The following BTAF1 variants were observed in gnomAD, a reference collection of about 807,000 sequenced individuals.
BTAF1 encodes the protein B-TFIID TATA-box binding protein associated factor 1, also known as TATA-binding protein-associated factor 172.
A neutral mutation model predicts 227.1 loss-of-function variants in BTAF1; 38 were observed. The observed-to-expected ratio is 0.17, with a 90% CI of 0.13 to 0.22. The LOEUF (loss-of-function observed/expected upper bound fraction) is 0.22. BTAF1 is among the 10% of genes least tolerant of loss of function. The pLI is 1.00. For missense variants in BTAF1, 1,598 were observed against 2,204.0 expected (o/e 0.73, Z 5.51); for synonymous variants, 742 against 751.9 (o/e 0.99, Z 0.21).
chr10:92,003,026 A>G (rs759058194), intron 25 of BTAF1, among the ~76,000 whole-genome samples: 1 of 152,010 alleles, frequency 6.6e-6, no homozygotes, highest in Non-Finnish European at 1.5e-5. Context: ...GCATGGTGGC[A>G]CGCACCTGTA....
chr10:91,956,801 C>T (rs1275166189), intron 7 of BTAF1, 144 bp downstream of exon 7: 13 of 822,124 alleles, frequency 1.6e-5, no homozygotes, highest in Non-Finnish European at 2.4e-5. Flanking sequence ...CCAGCCTGGC[C>T]AACATGGTGA....
At chr10:92,007,675 G>A (rs1372801551) in intron 25 of BTAF1, among the ~76,000 whole-genome samples, 4 of 152,134 alleles carry the variant, frequency 2.6e-5, no homozygotes, top group Admixed American at 6.5e-5. Flanking sequence ...TAACATCTAC[G>A]CAGATATCAA....
intron 3 of BTAF1, among the ~76,000 whole-genome samples, chr10:91,941,718 AT>A (rs1845012736): frequency 1.3e-5 from 2 of 152,204 alleles, no homozygotes; most frequent in African/African-American, 4.8e-5. Flanking sequence ...GAGCACTGTA[AT>A]AAACTCATGC....
intron 34 of BTAF1, among the ~76,000 whole-genome samples, chr10:92,023,025 G>C (rs942323125): frequency 6.6e-6 from 1 of 152,170 alleles, no homozygotes; most frequent in African/African-American, 2.4e-5. Flanking sequence ...GATTATTAGA[G>C]ATTCAGTACC....
intron 14 of BTAF1, among the ~76,000 whole-genome samples, chr10:91,968,817 A>G (rs896061898): frequency 8.5e-5 from 13 of 152,074 alleles, no homozygotes; most frequent in African/African-American, 3.1e-4. Flanking sequence ...TCATATGTTT[A>G]TTCGCCATCT....
At chr10:91,938,412 C>T (rs778662456) in intron 2 of BTAF1, among the ~76,000 whole-genome samples, 11 of 152,116 alleles carry the variant, frequency 7.2e-5, no homozygotes, top group Non-Finnish European at 1.6e-4. Context: ...CTTTTGGGTT[C>T]TGTGGTCAGT....
Position 92,018,817 on chromosome 10 carries a change from C to A in BTAF1, c.4745C>A (p.Pro1582Gln). The A allele has an allele frequency of 6.3e-7, 1 of 1,599,436 alleles. No individual in the cohort carries two copies. The highest frequency in any genetic ancestry group is 1.8e-5 in the Admixed American group (1 of 55,698). ...TACTTACGTAAACTGTGCAACCATC[C>A]AGCATTAGTCTTAACACCTCAACAT... ...LQYLRKLCNHPALVLTPQHPE... is the reference protein window; with the variant it reads ...LQYLRKLCNHQALVLTPQHPE... Residue 1582 changes from proline to glutamine, a missense_variant, in exon 34 of 38, where the codon CCA becomes CAA. Pro to Gln is a moderately conservative substitution (Grantham distance 76). This residue lies in a region of BTAF1 where 205 missense variants were observed against 244.5 expected (regional missense o/e 0.84). Transcript: ENST00000265990.
chr10:91,986,941 T>C (rs1848433333), intron 19 of BTAF1, among the ~76,000 whole-genome samples: 1 of 152,142 alleles, frequency 6.6e-6, no homozygotes, highest in Non-Finnish European at 1.5e-5. Flanking sequence ...TCCTGTTACC[T>C]GCCAAATATA....
At chr10:92,004,535 A>G (rs1295374160) in intron 25 of BTAF1, among the ~76,000 whole-genome samples, 1 of 152,138 alleles carries the variant, frequency 6.6e-6, no homozygotes, top group Non-Finnish European at 1.5e-5. Flanking sequence ...TTGTATGATC[A>G]TGGCTCACTG....
intron 14 of BTAF1, among the ~76,000 whole-genome samples, chr10:91,977,878 G>A (rs951940567): frequency 6.6e-6 from 1 of 152,052 alleles, no homozygotes; most frequent in African/African-American, 2.4e-5. Context: ...AGCAGTTTAG[G>A]TTCATAGCAA....
intron 2 of BTAF1, among the ~76,000 whole-genome samples, chr10:91,938,644 C>T (rs1262284575): frequency 6.6e-6 from 1 of 152,130 alleles, no homozygotes; most frequent in Non-Finnish European, 1.5e-5. Flanking sequence ...TTGCCAGTAC[C>T]ACACTGTCTT....
chr10:91,983,741 A>G (rs532526119), intron 18 of BTAF1, among the ~76,000 whole-genome samples: 18 of 152,316 alleles, frequency 1.2e-4, no homozygotes, highest in African/African-American at 4.3e-4. Flanking sequence ...GAGAGTGGGA[A>G]GGGTTAGTTA....
At chr10:91,989,674 A>C in intron 20 of BTAF1, 94 bp downstream of exon 20, 1 of 1,210,200 alleles carries the variant, frequency 8.3e-7, no homozygotes, top group Non-Finnish European at 1.1e-6. Context: ...AATCCAGTTC[A>C]TGTTAGTGTT....
chr10:91,933,196 A>G (rs764682099), intron 1 of BTAF1, among the ~76,000 whole-genome samples: 41 of 152,350 alleles, frequency 2.7e-4, no homozygotes, highest in Non-Finnish European at 5.0e-4. Context: ...AAATACCCAC[A>G]TTTGGGAGAT....
intron 14 of BTAF1, among the ~76,000 whole-genome samples, chr10:91,977,869 G>A (rs1027475981): frequency 2.0e-5 from 3 of 152,102 alleles, no homozygotes; most frequent in Admixed American, 1.3e-4. Flanking sequence ...ATTTTTCAGA[G>A]CAGTTTAGGT....
intron 14 of BTAF1, among the ~76,000 whole-genome samples, chr10:91,974,273 T>C (rs1017698638): frequency 2.6e-5 from 4 of 152,222 alleles, no homozygotes; most frequent in Non-Finnish European, 5.9e-5. Flanking sequence ...TTTTTGGTTT[T>C]GTTTTGCTTT....
intron 14 of BTAF1, among the ~76,000 whole-genome samples, chr10:91,976,721 A>C (rs890389630): frequency 5.9e-5 from 9 of 152,212 alleles, no homozygotes; most frequent in African/African-American, 2.2e-4. Context: ...GCATATTGGC[A>C]ACTATTCCTT....
At chr10:91,990,774 C>G (rs1296282544) in intron 20 of BTAF1, among the ~76,000 whole-genome samples, 1 of 151,196 alleles carries the variant, frequency 6.6e-6, no homozygotes, top group African/African-American at 2.4e-5. Context: ...GCCTGGGCAA[C>G]AAGAGTGAAA....
chr10:92,002,941 C>T lies in BTAF1; in HGVS notation c.3661-5182C>T, dbSNP rs1198280763. Among the ~76,000 whole-genome samples the T allele has an allele frequency of 1.1e-4, 16 of 152,006 alleles. 1 individual carries two copies. The highest frequency in any genetic ancestry group is 9.8e-4 in the Admixed American group (15 of 15,264). On this transcript the variant is annotated intron_variant, in intron 25 of 37. Transcript: ENST00000265990. ...TTGGGAGGCCGAGGTGGGTGGATCA[C>T]GAGGTCAGGAGTTCAAGACCAGCCT...
Sources: allele counts gnomAD v4.1 joint callset (sites outside exome capture counted in the v4.1 genomes callset), GRCh38; gene constraint gnomAD v4.1.1; regional missense constraint gnomAD v4.1.1; transcripts MANE v1.5; gene names NCBI Gene and HGNC (gene_info 2026-07-23, HGNC 2026-07-21).